The following PRKCE variants were observed in gnomAD, a reference collection of about 807,000 sequenced individuals.
PRKCE encodes protein kinase C epsilon type.
PRKCE carries 16 observed loss-of-function variants against 85.4 expected under a neutral mutation model. The ratio of observed to expected loss-of-function variants is 0.19; its 90% CI spans 0.13 to 0.28. The LOEUF (loss-of-function observed/expected upper bound fraction) is 0.28, where lower values mean the gene tolerates loss of function less well. Ranked by LOEUF, PRKCE falls within the 10% of genes least tolerant of loss-of-function variation. The pLI, the probability that PRKCE is intolerant of heterozygous loss-of-function variation, is 1.00. For synonymous variants in PRKCE, 388 were observed against 371.5 expected (o/e 1.04, Z -0.51); for missense variants, 573 against 975.2 (o/e 0.59, Z 5.49).
intron 2 of PRKCE, among the ~76,000 whole-genome samples, chr2:45,915,949 C>T (rs1248163433): frequency 1.3e-5 from 2 of 152,152 alleles, no homozygotes; most frequent in African/African-American, 2.4e-5. Flanking sequence ...TATGCAGCAT[C>T]TACATCCCCT....
chr2:46,167,361 G>A (rs1176415866), intron 14 of PRKCE, among the ~76,000 whole-genome samples: 1 of 152,202 alleles, frequency 6.6e-6, no homozygotes, highest in African/African-American at 2.4e-5. Context: ...GCCTGATACA[G>A]GTGAACACTT....
intron 1 of PRKCE, among the ~76,000 whole-genome samples, chr2:45,771,456 C>T (rs1685321420): frequency 6.6e-6 from 1 of 152,138 alleles, no homozygotes; most frequent in Non-Finnish European, 1.5e-5. Flanking sequence ...AACCTGTCGG[C>T]CGGCCTCAGG....
At chr2:45,875,415 T>G (rs1234235859) in intron 2 of PRKCE, among the ~76,000 whole-genome samples, 1 of 152,238 alleles carries the variant, frequency 6.6e-6, no homozygotes, top group Non-Finnish European at 1.5e-5. Context: ...CCTGTTCTGG[T>G]GTCACATGCT....
At position 45,795,491 on chromosome 2, in the gene PRKCE, G is replaced by C. The variant is rs184143996; in HGVS notation, c.349-47509G>C. ...GCCTGGCTAATTTTGTATTTTTTTA[G>C]TAGAGATGGGGTTTCATCATGTTGG... On this transcript the variant is annotated intron_variant, in intron 1 of 14. Coordinates refer to ENST00000306156, the MANE Select transcript of PRKCE (RefSeq NM_005400.3). Among the ~76,000 whole-genome samples the C allele has an allele frequency of 3.6e-3, 551 of 152,102 alleles. 3 individuals are homozygous for C. The highest frequency in any genetic ancestry group is 0.017 in the Middle Eastern group (5 of 294).
At chr2:46,101,644 G>A (rs1395779679) in intron 11 of PRKCE, among the ~76,000 whole-genome samples, 1 of 152,192 alleles carries the variant, frequency 6.6e-6, no homozygotes, top group South Asian at 2.1e-4. Flanking sequence ...GGAACAACAT[G>A]TGGGAACTGA....
intron 2 of PRKCE, among the ~76,000 whole-genome samples, chr2:45,923,665 G>A (rs1045734183): frequency 6.6e-6 from 1 of 152,218 alleles, no homozygotes; most frequent in East Asian, 1.9e-4. Flanking sequence ...GCAGGTTTGT[G>A]ATTAAGTGCT....
At chr2:46,109,185 C>G (rs889942489) in intron 11 of PRKCE, among the ~76,000 whole-genome samples, 13 of 152,074 alleles carry the variant, frequency 8.5e-5, no homozygotes, top group Admixed American at 8.5e-4. Context: ...ATGTCTTTTG[C>G]TTTTCCATAC....
chr2:45,819,345 C>T (rs912003832), intron 1 of PRKCE, among the ~76,000 whole-genome samples: 6 of 152,212 alleles, frequency 3.9e-5, no homozygotes, highest in African/African-American at 1.4e-4. Context: ...TGGTACCCAT[C>T]TTGCTCTTGT....
In PRKCE at chr2:45,652,578, T is replaced by G. The variant is rs568091082; in HGVS notation, c.348+130T>G. Reference sequence around the variant, plus strand: ...GTGTGTGTGCCTGTAAGTCTCAGTTTCCTTGGGGAGGTACACTTCACTTCA... The same window carrying G: ...GTGTGTGTGCCTGTAAGTCTCAGTTGCCTTGGGGAGGTACACTTCACTTCA... On this transcript the variant is annotated intron_variant, in intron 1 of 14. Transcript: ENST00000306156. The surrounding 1 kb of genome is among the most constrained non-coding windows in gnomAD (Gnocchi z 7.7). 1.1e-6 allele frequency: 1 copy of G among 889,970 alleles called. No individual in the cohort carries two copies. The highest frequency in any genetic ancestry group is 1.7e-5 in the African/African-American group (1 of 58,972). 55.1% of individuals were successfully genotyped at this position (889,970 alleles called of 1,614,324 possible). A position where few individuals can be genotyped will look rare whatever the true frequency, so the allele number is the denominator to read the frequency against.
intron 13 of PRKCE, among the ~76,000 whole-genome samples, chr2:46,157,830 C>G (rs1332878195): frequency 1.3e-5 from 2 of 152,252 alleles, no homozygotes; most frequent in Non-Finnish European, 2.9e-5. Flanking sequence ...TTTCCTCACA[C>G]TGTCACTTGA....
intron 1 of PRKCE, among the ~76,000 whole-genome samples, chr2:45,754,510 C>T (rs1472277344): frequency 1.3e-5 from 2 of 152,150 alleles, no homozygotes; most frequent in Admixed American, 1.3e-4. Context: ...CATTGCGGCT[C>T]TATGGAGGGA....
rs191361143 is a variant in PRKCE at position 46,170,555 on chromosome 2, G to A, written c.2067+10803G>A. 1.0e-3 allele frequency among the ~76,000 whole-genome samples: 154 copies of A among 152,204 alleles called. 1 individual carries two copies. The Middle Eastern group carries it at 0.017, about 17-fold the overall frequency. On this transcript the variant is annotated intron_variant, in intron 14 of 14. Transcript: ENST00000306156. ...TTAGAACAATTCCTGGCACATAGTA[G>A]GTATTCAATCTATATTTGTGGAATG...
Position 46,010,594 on chromosome 2 carries a change from C to A in PRKCE, c.1437+77C>A. 2.5e-6 allele frequency: 4 copies of A among 1,598,848 alleles called. No homozygotes were observed. The Middle Eastern group carries it at 6.6e-4, about 264-fold the overall frequency. On this transcript the variant is annotated intron_variant, in intron 10 of 14. Transcript: ENST00000306156. ...AGATAAAATACCAATTTTAGACCCT[C>A]TACATTGTTCTCTCAAAGACTTTGT...
intron 11 of PRKCE, among the ~76,000 whole-genome samples, chr2:46,104,168 C>T (rs952619425): frequency 1.2e-4 from 19 of 152,148 alleles, no homozygotes; most frequent in Admixed American, 2.6e-4. Context: ...CTTCTTCTTC[C>T]TCATCATCTG....
At chr2:45,687,125 G>A (rs1680185863) in intron 1 of PRKCE, among the ~76,000 whole-genome samples, 1 of 151,924 alleles carries the variant, frequency 6.6e-6, no homozygotes, top group African/African-American at 2.4e-5. Context: ...AACAAAACAA[G>A]CAGGTTTCAT....
intron 1 of PRKCE, among the ~76,000 whole-genome samples, chr2:45,740,748 C>G (rs1573147020): frequency 6.6e-6 from 1 of 152,212 alleles, no homozygotes; most frequent in Admixed American, 6.5e-5. Flanking sequence ...TCGAACACTA[C>G]ACTCCCAAAT....
chr2:45,728,468 C>G (rs1681273571), intron 1 of PRKCE, among the ~76,000 whole-genome samples: 1 of 152,208 alleles, frequency 6.6e-6, no homozygotes, highest in South Asian at 2.1e-4. Flanking sequence ...AACACACGCA[C>G]TCTTCACAGT....
intron 10 of PRKCE, among the ~76,000 whole-genome samples, chr2:46,060,125 T>C (rs988984901): frequency 1.3e-5 from 2 of 152,260 alleles, no homozygotes; most frequent in African/African-American, 4.8e-5. Flanking sequence ...CTGTATTTTA[T>C]TAACCTCAGT....
chr2:45,724,473 A>C (rs1680892078), intron 1 of PRKCE, among the ~76,000 whole-genome samples: 1 of 152,234 alleles, frequency 6.6e-6, no homozygotes, highest in Non-Finnish European at 1.5e-5. Context: ...TAAGTGTTCC[A>C]GTGAAAGGAA....
Sources: gnomAD v4.1 joint callset for allele counts (sites outside exome capture counted in the v4.1 genomes callset) on GRCh38, gnomAD v4.1.1 for gene constraint, Gnocchi (gnomAD v3.1) non-coding constraint, MANE v1.5 for transcripts, NCBI Gene and HGNC (gene_info 2026-07-23, HGNC 2026-07-21) for gene names.